The following MUC5B variants were observed in gnomAD, a reference collection of about 807,000 sequenced individuals.
The protein encoded by MUC5B is mucin-5B.
Under a neutral mutation model 376.9 loss-of-function variants are expected in MUC5B, and 116 were observed. The observed-to-expected ratio is 0.31, with a 90% CI of 0.26 to 0.36. The LOEUF (loss-of-function observed/expected upper bound fraction) is 0.36. MUC5B is among the 10% of genes least tolerant of loss of function. The pLI is 1.00. For synonymous variants in MUC5B, 3,517 were observed against 3,390.9 expected, an observed-to-expected ratio of 1.04 and a Z score of -1.29; for missense variants, 7,165 against 7,769.9, an observed-to-expected ratio of 0.92 and a Z score of 2.93.
chr11:1,254,685 T>A lies in MUC5B; in HGVS notation c.15478-9T>A, dbSNP rs548148120. 1 of 1,609,446 alleles carries A rather than the reference T, an allele frequency of 6.2e-7. No individual in the cohort carries two copies. Among genetic ancestry groups the A allele is most frequent in the East Asian group, 2.2e-5 (1 of 44,800 alleles). ...CCTCCCAGCTCAGGGTTCCCCTGGA[T>A]TCCCCCAGATCCTGTTTGACCAAAT... On this transcript the variant is annotated splice_polypyrimidine_tract_variant and intron_variant, in intron 34 of 48. Coordinates refer to ENST00000529681, the MANE Select transcript of MUC5B (RefSeq NM_002458.3).
Position 1,242,517 on chromosome 11 carries a change from TGAC to T in MUC5B, c.5641_5643del (p.Asp1881del), listed in dbSNP as rs1385815443. The T allele has an allele frequency of 1.6e-5, 26 of 1,613,650 alleles. No individual in the cohort carries two copies. The highest frequency in any genetic ancestry group is 2.2e-5 in the Non-Finnish European group (26 of 1,179,816). ...ACTACAACGTGCGTGTGCTTTGCTG[TGAC>T]GACTACAGCCACTGCCCCAGTACCC... On this transcript the variant is annotated inframe_deletion, in exon 31 of 49. Transcript: ENST00000529681.
chr11:1,250,784 C>A lies in MUC5B; in HGVS notation c.13904C>A (p.Ser4635Tyr). 1 of 1,613,342 alleles carries A rather than the reference C, an allele frequency of 6.2e-7. No individual in the cohort carries two copies. The highest frequency in any genetic ancestry group is 1.1e-5 in the South Asian group (1 of 91,066). The change falls in exon 31 of 49, where the codon TCC becomes TAC. Residue 4635 changes from serine (S) to tyrosine (Y), a missense_variant. By Grantham distance (144) the Ser-to-Tyr change is moderately radical. This residue lies in a region of MUC5B where 730 missense variants were observed against 592.7 expected (regional missense o/e 1.23). Transcript: ENST00000529681. ...PTTTTPTTSG[S>Y]TVTPSSIPGT... ...ACCACCACACCCACAACCAGTGGCT[C>A]CACGGTGACCCCCTCCTCCATCCCG...
In MUC5B at chr11:1,251,200, A is replaced by G; in HGVS notation, c.14320A>G (p.Thr4774Ala). 1.2e-6 allele frequency: 2 copies of G among 1,610,842 alleles called. No homozygotes were observed. The highest frequency in any genetic ancestry group is 1.7e-6 in the Non-Finnish European group (2 of 1,178,134). ...VPAQTTTPMS[T>A]MSTIHTSSTP... ...AGCACAGACCACCACACCCATGTCCACCATGTCCACAATCCACACCTCCTC... is the reference window on the plus strand; with the variant it reads ...AGCACAGACCACCACACCCATGTCCGCCATGTCCACAATCCACACCTCCTC... The change falls in exon 31 of 49, where the codon ACC (threonine) becomes GCC (alanine). Residue 4774 changes from threonine to alanine, a missense_variant. Physicochemically the swap from Thr to Ala is moderately conservative, Grantham distance 58. This residue lies in a region of MUC5B where 730 missense variants were observed against 592.7 expected (regional missense o/e 1.23). Transcript: ENST00000529681.
At chr11:1,231,153 CAG>C in intron 13 of MUC5B, 148 bp downstream of exon 13, 1 of 905,542 alleles carries the variant, frequency 1.1e-6, no homozygotes, top group Admixed American at 2.9e-5. Context: ...TTCTCGTCTG[CAG>C]AGTGGGGATG....
intron 21 of MUC5B, 38 bp from the exon 22 acceptor site, chr11:1,235,047 A>G (rs1862123875): frequency 6.3e-7 from 1 of 1,586,456 alleles, no homozygotes; most frequent in African/African-American, 1.3e-5. Flanking sequence ...CCGGGAGAGC[A>G]GGCCCCTGTG....
chr11:1,256,841 C>T lies in MUC5B; in HGVS notation c.16237+70C>T, dbSNP rs537448631. ...CAAGCACACACAGGGTGGGAGGAGC[C>T]GCCCAGGACCATGATGTGCTCTCCC... On this transcript the variant is annotated intron_variant, in intron 39 of 48. Transcript: ENST00000529681. The T allele has an allele frequency of 9.2e-5, 115 of 1,244,954 alleles. 1 individual carries two copies. Among genetic ancestry groups the T allele is most frequent in the Middle Eastern group, 2.4e-4 (1 of 4,150 alleles). The allele number at this position is 1,244,954 out of a possible 1,614,324, so 77.1% of individuals were successfully genotyped here.
intron 31 of MUC5B, among the ~76,000 whole-genome samples, chr11:1,252,024 C>A (rs1195866067): frequency 1.3e-5 from 2 of 152,006 alleles, no homozygotes; most frequent in South Asian, 2.1e-4. Flanking sequence ...CCCCTGGACA[C>A]AATCCATCCC....
Position 1,244,410 on chromosome 11 carries a change from C to T in MUC5B, c.7530C>T (p.Ala2510=), listed in dbSNP as rs1362719536. ...ATTPTVTSSK[A]TPFSSPGTAT... ...CACCCACAGTCACCAGCTCCAAAGC[C>T]ACTCCCTTCTCCAGTCCAGGGACTG... The change falls in exon 31 of 49, where the codon GCC becomes GCT. Residue 2510 remains alanine (A), a synonymous_variant. Transcript: ENST00000529681. 1.2e-6 allele frequency: 2 copies of T among 1,600,014 alleles called. No individual in the cohort carries two copies. Among genetic ancestry groups the T allele is most frequent in the Non-Finnish European group, 1.7e-6 (2 of 1,170,642 alleles).
rs751731486 is a variant in MUC5B at position 1,245,335 on chromosome 11, A to G, written c.8455A>G (p.Thr2819Ala). 6.3e-7 allele frequency: 1 copy of G among 1,593,324 alleles called. No individual in the cohort carries two copies. Among genetic ancestry groups the G allele is most frequent in the East Asian group, 2.2e-5 (1 of 44,706 alleles). ...LSSPHPSSRT[T>A]ESPPSPGTTT... The stretch of plus-strand genomic sequence containing the variant: ...CAGCCCTCACCCTAGCAGCAGGACC[A>G]CCGAGTCACCCCCTTCTCCAGGGAC... Residue 2819 changes from threonine to alanine, a missense_variant, in exon 31 of 49, where the codon ACC (threonine) becomes GCC (alanine). Thr to Ala is a moderately conservative substitution (Grantham distance 58, BLOSUM62 0). Transcript: ENST00000529681.
Position 1,233,802 on chromosome 11 carries a change from G to T in MUC5B, c.2331G>T (p.Thr777=). Residue 777 remains threonine, a synonymous_variant, in exon 19 of 49, where the codon ACG becomes ACT. Coordinates refer to ENST00000529681, the MANE Select transcript of MUC5B (RefSeq NM_002458.3). Reference sequence around the variant, plus strand: ...CGTCTGTCTCTTGTAGTTCATGTACGGGTGGGAAGCTAAGCTGCCTGGGAG... The same window carrying T: ...CGTCTGTCTCTTGTAGTTCATGTACTGGTGGGAAGCTAAGCTGCCTGGGAG... ...VHDEGAVCSC[T]GGKLSCLGAS... is the part of the protein sequence containing the mutation. 1 of 1,605,354 alleles carries T rather than the reference G, an allele frequency of 6.2e-7. No individual in the cohort carries two copies. The highest frequency in any genetic ancestry group is 8.5e-7 in the Non-Finnish European group (1 of 1,176,586).
chr11:1,252,081 C>T (rs2672790), intron 31 of MUC5B, among the ~76,000 whole-genome samples: 55 of 151,974 alleles, frequency 3.6e-4, no homozygotes, highest in African/African-American at 1.3e-3. Context: ...TCCGCACTGG[C>T]CACAATCAGT....
chr11:1,229,943 T>C (rs927609602), intron 10 of MUC5B, 62 bp from the exon 11 acceptor site: 2 of 1,556,526 alleles, frequency 1.3e-6, no homozygotes, highest in East Asian at 2.3e-5. Context: ...GCGGTGGGGG[T>C]GTGGAGGGTG....
In MUC5B at chr11:1,226,766, G is replaced by A; in HGVS notation, c.351G>A (p.Gln117=). 1 of 1,612,610 alleles carries A rather than the reference G, an allele frequency of 6.2e-7. No individual in the cohort carries two copies. Among genetic ancestry groups the A allele is most frequent in the Non-Finnish European group, 8.5e-7 (1 of 1,179,818 alleles). The change falls in exon 4 of 49, where the codon CAG becomes CAA. Residue 117 remains glutamine, a synonymous_variant. Transcript: ENST00000529681. ...CCGCCTACGAGGACTTCAACGTCCA[G>A]CTACGCCGAGGCCTAGTGGGCTCCA... The part of the protein sequence containing the change: ...CRAAYEDFNV[Q]LRRGLVGSRP...
rs778777963 is a variant in MUC5B, at chr11:1,242,703, C to T, written c.5823C>T (p.Thr1941=). ...CTCCCCCTCCCAAAGTGCTGACCAC[C>T]ACGGCCACCACACCCACAGTCACCA... ...RTAPPPKVLT[T]TATTPTVTSS... The change falls in exon 31 of 49, where the codon ACC becomes ACT. Residue 1941 remains threonine, a synonymous_variant. Coordinates refer to ENST00000529681, the MANE Select transcript of MUC5B (RefSeq NM_002458.3). 6.2e-7 allele frequency: 1 copy of T among 1,613,414 alleles called. No individual in the cohort carries two copies. The highest frequency in any genetic ancestry group is 8.5e-7 in the Non-Finnish European group (1 of 1,179,486).
chr11:1,239,621 C>G (rs564722597), intron 27 of MUC5B, 55 bp downstream of exon 27: 2 of 1,525,434 alleles, frequency 1.3e-6, no homozygotes, highest in African/African-American at 2.8e-5. Context: ...CCCGAGTGTA[C>G]GTGGGGGGGC....
Position 1,246,280 on chromosome 11 carries a change from A to G in MUC5B, c.9400A>G (p.Ile3134Val), listed in dbSNP as rs777403051. 1 of 1,610,838 alleles carries G rather than the reference A, an allele frequency of 6.2e-7. No homozygotes were observed. Among genetic ancestry groups the G allele is most frequent in the South Asian group, 1.1e-5 (1 of 90,952 alleles). ...CTCCTCCACTCCGGGGACGACCTGG[A>G]TCCTCACAGAGCTGACCACAGCAGC... ...TPSSTPGTTWILTELTTAATT... is the reference protein window; with the variant it reads ...TPSSTPGTTWVLTELTTAATT... Residue 3134 changes from isoleucine to valine, a missense_variant, in exon 31 of 49, where the codon ATC (isoleucine) becomes GTC (valine). Transcript: ENST00000529681.
In MUC5B at chr11:1,257,487, T is replaced by G; in HGVS notation, c.16270-43T>G. 4 of 1,594,018 alleles carry G rather than the reference T, an allele frequency of 2.5e-6. No individual in the cohort carries two copies. Among genetic ancestry groups the G allele is most frequent in the Non-Finnish European group, 2.6e-6 (3 of 1,169,406 alleles). On this transcript the variant is annotated intron_variant, in intron 40 of 48. Coordinates refer to ENST00000529681, the MANE Select transcript of MUC5B (RefSeq NM_002458.3). The surrounding 1 kb of genome is among the most constrained non-coding windows in gnomAD (Gnocchi z 8.9). ...TGGACAGATGCCCAGGGTTGACCTG[T>G]GTCTGTCCAGGAGCCCTCAGGGACC... is the stretch of plus-strand genomic sequence containing the variant.
chr11:1,260,265 T>C (rs1266071833), intron 46 of MUC5B, 86 bp from the exon 47 acceptor site: 2 of 1,208,956 alleles, frequency 1.7e-6, no homozygotes, highest in Non-Finnish European at 2.3e-6. Flanking sequence ...GCCATGCCCC[T>C]GCCCGGGTGG....
In MUC5B at chr11:1,245,297, C is replaced by A; in HGVS notation, c.8417C>A (p.Thr2806Asn). 4 of 1,595,338 alleles carry A rather than the reference C, an allele frequency of 2.5e-6. No individual in the cohort carries two copies. Among genetic ancestry groups the A allele is most frequent in the Non-Finnish European group, 3.4e-6 (4 of 1,171,570 alleles). ...ACCACCGGTACCACCCAGCACTCGA[C>A]TCCAGCCCTGTCCAGCCCTCACCCT... ...AATTGTTQHS[T>N]PALSSPHPSS... Residue 2806 changes from threonine to asparagine, a missense_variant, in exon 31 of 49, where the codon ACT becomes AAT. Physicochemically the swap from Thr to Asn is moderately conservative, Grantham distance 65 (BLOSUM62 0). Transcript: ENST00000529681.
Sources: gnomAD v4.1 joint callset for allele counts (sites outside exome capture counted in the v4.1 genomes callset) on GRCh38, gnomAD v4.1.1 for gene constraint, gnomAD v4.1.1 regional missense constraint, Gnocchi (gnomAD v3.1) non-coding constraint, MANE v1.5 for transcripts, NCBI Gene and HGNC (gene_info 2026-07-23, HGNC 2026-07-21) for gene names.